The following UTRN variants were observed in gnomAD, a reference collection of about 807,000 sequenced individuals.
UTRN encodes dystrophin-related protein 1.
A neutral mutation model predicts 463.9 loss-of-function variants in UTRN; 283 were observed. The ratio of observed to expected loss-of-function variants is 0.61; its 90% confidence interval spans 0.55 to 0.67. The LOEUF (loss-of-function observed/expected upper bound fraction) is 0.67. Ranked by LOEUF, UTRN falls within the 30% of genes least tolerant of loss-of-function variation. The probability of loss-of-function intolerance (pLI) is 0.00; values close to 1 mark genes in which losing one functional copy is unlikely to be tolerated. For missense variants in UTRN, 3,922 were observed against 4,084.3 expected (o/e 0.96, Z 1.08); for synonymous variants, 1,442 against 1,431.5 (o/e 1.01, Z -0.17).
intron 51 of UTRN, among the ~76,000 whole-genome samples, chr6:144,599,445 G>A (rs6919246): frequency 1.5e-3 from 232 of 152,276 alleles, no homozygotes; most frequent in African/African-American, 5.2e-3. Context: ...AAATGGATAT[G>A]TCAACTATGC....
intron 27 of UTRN, 142 bp from the exon 28 acceptor site, chr6:144,485,243 G>T: frequency 8.9e-6 from 11 of 1,234,354 alleles, no homozygotes; most frequent in East Asian, 2.5e-5. Context: ...TTATTTTTTT[G>T]AAGTTTCAAC....
chr6:144,753,700 CAAAA>C (rs559496930), intron 56 of UTRN, among the ~76,000 whole-genome samples: 2 of 107,480 alleles, frequency 1.9e-5, no homozygotes. Context: ...TTGTCTCTAC[CAAAA>C]AAAAAAAAAA....
intron 65 of UTRN, among the ~76,000 whole-genome samples, chr6:144,805,666 C>T (rs1778086785): frequency 6.7e-6 from 1 of 150,296 alleles, no homozygotes; most frequent in African/African-American, 2.5e-5. Flanking sequence ...ATTAAGACTT[C>T]CGAGTTGGCA....
intron 33 of UTRN, among the ~76,000 whole-genome samples, chr6:144,497,574 G>A (rs1397035813): frequency 5.9e-5 from 9 of 151,518 alleles, no homozygotes; most frequent in Non-Finnish European, 1.2e-4. Flanking sequence ...CCAGCTACTC[G>A]GGAGGCTGAG....
At chr6:144,692,621 A>G (rs1353200129) in intron 52 of UTRN, among the ~76,000 whole-genome samples, 3 of 151,428 alleles carry the variant, frequency 2.0e-5, no homozygotes, top group African/African-American at 7.3e-5. Context: ...TGTGGTTTTG[A>G]TTTGCATTTC....
At chr6:144,713,656 C>T (rs1786012827) in intron 53 of UTRN, among the ~76,000 whole-genome samples, 1 of 150,146 alleles carries the variant, frequency 6.7e-6, no homozygotes, top group South Asian at 2.1e-4. Flanking sequence ...TGCAGTGGCT[C>T]ATGCCTGTAA....
At chr6:144,748,138 CT>C in intron 54 of UTRN, 107 bp from the exon 55 acceptor site, 1 of 1,380,404 alleles carries the variant, frequency 7.2e-7, no homozygotes, top group South Asian at 1.6e-5. Flanking sequence ...GTAATTTTTT[CT>C]TACTTTTTCT....
intron 73 of UTRN, among the ~76,000 whole-genome samples, chr6:144,844,232 A>T (rs1471895684): frequency 1.3e-5 from 2 of 151,808 alleles, no homozygotes. Flanking sequence ...TCAGCGTGGG[A>T]GGTAGACTCA....
intron 57 of UTRN, 95 bp downstream of exon 57, chr6:144,754,893 T>C (rs148705699): frequency 1.6e-6 from 2 of 1,227,760 alleles, no homozygotes; most frequent in South Asian, 2.8e-5. Context: ...GCTATAAATA[T>C]GTTTATTTAG....
At chr6:144,336,862 G>A (rs180847747) in intron 2 of UTRN, among the ~76,000 whole-genome samples, 2 of 152,258 alleles carry the variant, frequency 1.3e-5, no homozygotes, top group Admixed American at 1.3e-4. Context: ...ACTACAGTGA[G>A]AAGTTCTAAG....
intron 61 of UTRN, among the ~76,000 whole-genome samples, chr6:144,786,547 G>A (rs1239552977): frequency 6.6e-6 from 1 of 152,084 alleles, no homozygotes; most frequent in African/African-American, 2.4e-5. Context: ...GCCTCCCAAA[G>A]TGCTGAGATT....
chr6:144,388,114 A>T (rs1042229450), intron 2 of UTRN, among the ~76,000 whole-genome samples: 1 of 152,236 alleles, frequency 6.6e-6, no homozygotes, highest in Admixed American at 6.5e-5. Flanking sequence ...ATAGAATATA[A>T]GAGTCACTCA....
intron 58 of UTRN, among the ~76,000 whole-genome samples, chr6:144,760,713 C>T (rs969042726): frequency 6.6e-5 from 10 of 152,238 alleles, no homozygotes; most frequent in African/African-American, 1.9e-4. Flanking sequence ...CTTCCCTTTG[C>T]GTGGCTTCAA....
chr6:144,718,596 A>C (rs1258180157), intron 53 of UTRN, among the ~76,000 whole-genome samples: 2 of 152,254 alleles, frequency 1.3e-5, no homozygotes, highest in African/African-American at 4.8e-5. Flanking sequence ...AACCCAAGTA[A>C]GGGCCCATGA....
intron 53 of UTRN, among the ~76,000 whole-genome samples, chr6:144,722,318 C>T (rs78098960): frequency 0.043 from 6,286 of 147,178 alleles, 399 homozygotes; most frequent in African/African-American, 0.14. Context: ...CACTTCCCTC[C>T]GGTTTTTTTT....
chr6:144,402,200 C>T (rs982785376), intron 2 of UTRN, among the ~76,000 whole-genome samples: 2 of 152,170 alleles, frequency 1.3e-5, no homozygotes, highest in African/African-American at 4.8e-5. Context: ...AACACCAGCT[C>T]TTCGTCAAGT....
In UTRN at chr6:144,484,377, AT is replaced by A. The variant is rs1299070228; in HGVS notation, c.3688-1002del. 1.6e-3 allele frequency among the ~76,000 whole-genome samples: 199 copies of A among 122,272 alleles called. 1 individual carries two copies. Among genetic ancestry groups the A allele is most frequent in the African/African-American group, 6.0e-3 (189 of 31,632 alleles). The allele number at this position is 122,272 out of a possible 152,430, so 80.2% of individuals were successfully genotyped here. A position where few individuals can be genotyped will look rare whatever the true frequency, so the allele number is the denominator to read the frequency against. On this transcript the variant is annotated intron_variant, in intron 27 of 74. Coordinates refer to ENST00000367545, the MANE Select transcript of UTRN (RefSeq NM_007124.3). Reference sequence around the variant, plus strand: ...GGAGATTTCAATTTTCTATGAAATTATTTTTTAAAAATTTACAATTGGGAGC... The same window carrying A: ...GGAGATTTCAATTTTCTATGAAATTATTTTTAAAAATTTACAATTGGGAGC...
At chr6:144,349,896 C>T (rs1232003276) in intron 2 of UTRN, among the ~76,000 whole-genome samples, 2 of 152,180 alleles carry the variant, frequency 1.3e-5, no homozygotes, top group African/African-American at 2.4e-5. Flanking sequence ...CTCCCTCGCT[C>T]CTGCTCCAGT....
chr6:144,607,558 T>C (rs1370980216), intron 51 of UTRN, among the ~76,000 whole-genome samples: 1 of 152,166 alleles, frequency 6.6e-6, no homozygotes, highest in Non-Finnish European at 1.5e-5. Flanking sequence ...AAAAGGACCA[T>C]AGGTTTCACT....
Sources: gnomAD v4.1 joint callset for allele counts (sites outside exome capture counted in the v4.1 genomes callset) on GRCh38, gnomAD v4.1.1 for gene constraint, MANE v1.5 for transcripts, NCBI Gene and HGNC (gene_info 2026-07-23, HGNC 2026-07-21) for gene names.